Variants in DOP1B observed in about 807,000 individuals in gnomAD.
The protein encoded by DOP1B is protein DOP1B.
Under a neutral mutation model 233.5 loss-of-function variants are expected in DOP1B, and 174 were observed. The observed-to-expected ratio is 0.75, with a 90% CI of 0.66 to 0.85. The LOEUF (loss-of-function observed/expected upper bound fraction) is 0.85. Ranked by LOEUF, DOP1B falls within the 40% of genes least tolerant of loss-of-function variation. The probability of loss-of-function intolerance (pLI) is 0.00; values close to 1 mark genes in which losing one functional copy is unlikely to be tolerated. For missense variants in DOP1B, 2,652 were observed against 2,846.6 expected, an observed-to-expected ratio of 0.93 and a Z score of 1.56; for synonymous variants, 1,190 against 1,185.6, an observed-to-expected ratio of 1.00 and a Z score of -0.08.
At chr21:36,270,863 A>G (rs2067280122) in intron 27 of DOP1B, among the ~76,000 whole-genome samples, 1 of 150,820 alleles carries the variant, frequency 6.6e-6, no homozygotes, top group Non-Finnish European at 1.5e-5. Context: ...CAGTGAGCCA[A>G]GATTGTACCA....
At chr21:36,238,871 G>C (rs2066857775) in intron 17 of DOP1B, among the ~76,000 whole-genome samples, 170 bp downstream of exon 17, 1 of 152,220 alleles carries the variant, frequency 6.6e-6, no homozygotes, top group African/African-American at 2.4e-5. Flanking sequence ...GGGAAGCCGA[G>C]GCGGGCAGAT....
intron 27 of DOP1B, among the ~76,000 whole-genome samples, chr21:36,273,122 T>G (rs1278013257): frequency 6.8e-6 from 1 of 147,398 alleles, no homozygotes; most frequent in Non-Finnish European, 1.5e-5. Context: ...TAAATAAAAA[T>G]AAGGCCAGGT....
At chr21:36,261,765 C>T in intron 24 of DOP1B, 1 of 684,770 alleles carries the variant, frequency 1.5e-6, no homozygotes, top group Non-Finnish European at 1.8e-6. Context: ...AAAAATTAGC[C>T]AGGGCTTGGT....
intron 23 of DOP1B, among the ~76,000 whole-genome samples, chr21:36,256,388 C>T (rs1177462547): frequency 6.6e-6 from 1 of 152,108 alleles, no homozygotes; most frequent in East Asian, 1.9e-4. Flanking sequence ...TTGCAGTGAG[C>T]TATGATTGAG....
chr21:36,289,247 ATT>A, intron 35 of DOP1B, 41 bp downstream of exon 35: 1 of 1,591,966 alleles, frequency 6.3e-7, no homozygotes, highest in Non-Finnish European at 8.5e-7. Context: ...GAAGTAAGAG[ATT>A]TTGTTTTTTC....
Position 36,164,840 on chromosome 21 carries a change from A to G in DOP1B, c.107A>G (p.Asp36Gly), listed in dbSNP as rs1055305129. ...TTTGAGTCCTCGAGTGAATGGGCGG[A>G]TCTCATATCTTCACTTGGCAAACTC... ...RNFESSSEWADLISSLGKLNK... is the reference protein window; with the variant it reads ...RNFESSSEWAGLISSLGKLNK... The change falls in exon 2 of 37, where the codon GAT becomes GGT. Residue 36 changes from aspartate to glycine, a missense_variant. This residue lies in a region of DOP1B where 2,617 missense variants were observed against 2,794.3 expected (regional missense o/e 0.94). Transcript: ENST00000691173. The G allele has an allele frequency of 6.2e-7, 1 of 1,611,502 alleles. No individual in the cohort carries two copies. Among genetic ancestry groups the G allele is most frequent in the Non-Finnish European group, 8.5e-7 (1 of 1,178,904 alleles).
chr21:36,249,056 GA>G (rs1196424587), intron 21 of DOP1B, among the ~76,000 whole-genome samples: 1 of 151,854 alleles, frequency 6.6e-6, no homozygotes, highest in Non-Finnish European at 1.5e-5. Flanking sequence ...AGTGAGCCAA[GA>G]TTGCACCACT....
chr21:36,169,976 C>T (rs925011520), intron 2 of DOP1B: 2 of 764,238 alleles, frequency 2.6e-6, no homozygotes, highest in Non-Finnish European at 4.9e-6. Context: ...ACCTCCTTCA[C>T]TTTCACCTTG....
At chr21:36,273,115 A>G (rs1383750117) in intron 27 of DOP1B, among the ~76,000 whole-genome samples, 1 of 150,680 alleles carries the variant, frequency 6.6e-6, no homozygotes, top group Non-Finnish European at 1.5e-5. Context: ...AAATAAATAA[A>G]TAAAAATAAG....
chr21:36,230,361 CAG>C (rs2066745549), intron 13 of DOP1B, 87 bp from the exon 14 acceptor site: 5 of 1,430,468 alleles, frequency 3.5e-6, no homozygotes, highest in East Asian at 2.4e-5. Flanking sequence ...TTTTGAAAAA[CAG>C]AATTGAAATA....
intron 23 of DOP1B, 101 bp from the exon 24 acceptor site, chr21:36,260,576 C>T (rs548653615): frequency 1.3e-6 from 2 of 1,503,854 alleles, no homozygotes; most frequent in African/African-American, 2.8e-5. Flanking sequence ...AGTCAAAAAC[C>T]TTTGCTTTGT....
At chr21:36,264,142 C>T (rs926543830) in intron 26 of DOP1B, among the ~76,000 whole-genome samples, 2 of 152,240 alleles carry the variant, frequency 1.3e-5, no homozygotes, top group Non-Finnish European at 2.9e-5. Context: ...TATTTCCCCC[C>T]AGACGCGGTG....
intron 4 of DOP1B, among the ~76,000 whole-genome samples, chr21:36,207,018 CA>C (rs1310534290): frequency 6.6e-6 from 1 of 151,996 alleles, no homozygotes; most frequent in African/African-American, 2.4e-5. Flanking sequence ...GAAGGAAATA[CA>C]AAAAAATTAA....
chr21:36,289,425 GT>G (rs1258374327), intron 35 of DOP1B, among the ~76,000 whole-genome samples: 20 of 1,390 alleles, frequency 0.014, no homozygotes, highest in Middle Eastern at 0.25. Context: ...TGTTTCTATG[GT>G]GTGTGTGTGT....
At chr21:36,200,603 G>A in intron 4 of DOP1B, 102 bp downstream of exon 4, 8 of 1,393,682 alleles carry the variant, frequency 5.7e-6, no homozygotes, top group Non-Finnish European at 7.6e-6. Context: ...CAGCACTTTG[G>A]AAGGCCAAGG....
rs143478500 is a variant in DOP1B, at chr21:36,164,915, G to T, written c.138+44G>T. The T allele has an allele frequency of 1.8e-4, 257 of 1,406,942 alleles. No individual in the cohort carries two copies. The African/African-American group carries it at 3.3e-3, about 18-fold the overall frequency. The allele number at this position is 1,406,942 out of a possible 1,614,324, so 87.2% of individuals were successfully genotyped here. ...ATTTGGATTGCATGGAGGTGGGGACGTAATTGTCTTTTTATTATTATAAGA... is the reference window on the plus strand; with the variant it reads ...ATTTGGATTGCATGGAGGTGGGGACTTAATTGTCTTTTTATTATTATAAGA... On this transcript the variant is annotated intron_variant, in intron 2 of 36. Transcript: ENST00000691173.
chr21:36,214,536 T>A lies in DOP1B; in HGVS notation c.1109T>A (p.Leu370Gln). The A allele has an allele frequency of 5.0e-6, 8 of 1,614,034 alleles. No homozygotes were observed. The highest frequency in any genetic ancestry group is 5.9e-6 in the Non-Finnish European group (7 of 1,180,008). The change falls in exon 9 of 37, where the codon CTG becomes CAG. Residue 370 changes from leucine (L) to glutamine (Q), a missense_variant. Around this residue, in one of 3 missense-constraint regions of DOP1B, gnomAD observed 2,617 missense variants for 2,794.3 expected, o/e 0.94. Transcript: ENST00000691173. ...AAGCCTTTTCGCGTCCTCATCAGTC[T>A]GCTTGACAAGCCAGAAATAGGTAAT... The part of the protein sequence containing the change: ...YLKPFRVLIS[L>Q]LDKPEIGPQV...
chr21:36,281,370 A>T lies in DOP1B; in HGVS notation c.6032-113A>T. On this transcript the variant is annotated intron_variant, in intron 31 of 36. Coordinates refer to ENST00000691173, the MANE Select transcript of DOP1B (RefSeq NM_001320714.2). ...CAGTAATCTCATGTCCTTACTTAAT[A>T]AAGATCATGATTTTTCACCAGGGAA... The T allele has an allele frequency of 2.6e-6, 3 of 1,144,036 alleles. No individual in the cohort carries two copies. The South Asian group carries it at 5.6e-5, about 21-fold the overall frequency. 70.9% of individuals were successfully genotyped at this position (1,144,036 alleles called of 1,614,324 possible).
chr21:36,188,356 C>T (rs1006410414), intron 2 of DOP1B, among the ~76,000 whole-genome samples: 4 of 152,224 alleles, frequency 2.6e-5, no homozygotes, highest in African/African-American at 7.2e-5. Context: ...TGCCTTCTGC[C>T]TGTTTCTCCA....
Sources: gnomAD v4.1 joint callset for allele counts (sites outside exome capture counted in the v4.1 genomes callset) on GRCh38, gnomAD v4.1.1 for gene constraint, gnomAD v4.1.1 regional missense constraint, MANE v1.5 for transcripts, NCBI Gene and HGNC (gene_info 2026-07-23, HGNC 2026-07-21) for gene names.